Variants in CDK13 observed in about 807,000 individuals in gnomAD.
CDK13 encodes the protein cyclin dependent kinase 13, also known as cyclin-dependent kinase 13.
In CDK13, 40 loss-of-function variants were observed where a neutral mutation model predicts 137.6. The observed-to-expected ratio is 0.29, with a 90% CI of 0.23 to 0.38. The LOEUF is 0.38. Among genes scored for constraint, CDK13 ranks in the 10% least tolerant of loss-of-function variants. CDK13 has a pLI of 1.00. For missense variants in CDK13, 1,704 were observed against 1,951.8 expected (o/e 0.87, Z 2.39); for synonymous variants, 869 against 760.1 (o/e 1.14, Z -2.36).
intron 9 of CDK13, among the ~76,000 whole-genome samples, chr7:40,063,645 C>CTTTTATTTTATTTTATTA (rs1786206160): frequency 6.6e-6 from 1 of 151,882 alleles, no homozygotes; most frequent in African/African-American, 2.4e-5. Flanking sequence ...TTCTCTTTAT[C>CTTTTATTTTATTTTATTA]TTTTATTTTA....
At chr7:40,054,276 A>G (rs1785960617) in intron 7 of CDK13, among the ~76,000 whole-genome samples, 2 of 152,140 alleles carry the variant, frequency 1.3e-5, no homozygotes, top group Admixed American at 1.3e-4. Context: ...TCTACTTTTG[A>G]ATCTCCCTTT....
intron 5 of CDK13, among the ~76,000 whole-genome samples, chr7:40,003,235 TGAG>T (rs1431985675): frequency 7.6e-6 from 1 of 131,206 alleles, no homozygotes; most frequent in Non-Finnish European, 1.6e-5. Context: ...CTTACTCTGT[TGAG>T]GGACACAATT....
chr7:40,071,282 T>C (rs928962261), intron 9 of CDK13: 1 of 152,228 alleles, frequency 6.6e-6, no homozygotes, highest in Admixed American at 6.5e-5. Context: ...ATTAAAGATA[T>C]TTATGAATTC....
chr7:39,994,485 A>G (rs1174196613), intron 2 of CDK13, among the ~76,000 whole-genome samples: 1 of 152,086 alleles, frequency 6.6e-6, no homozygotes, highest in Non-Finnish European at 1.5e-5. Context: ...CTTTAGATAC[A>G]TTCTATATTG....
At chr7:39,973,795 T>C (rs1374302142) in intron 1 of CDK13, among the ~76,000 whole-genome samples, 1 of 152,236 alleles carries the variant, frequency 6.6e-6, no homozygotes, top group South Asian at 2.1e-4. Flanking sequence ...TTCATTCTTT[T>C]GTGTGTGGAT....
rs888529478 is a variant in CDK13, at chr7:40,097,884, G to A, written c.*2904G>A. 6.6e-6 allele frequency: 1 copy of A among 152,092 alleles called. No individual in the cohort carries two copies. Among genetic ancestry groups the A allele is most frequent in the African/African-American group, 2.4e-5 (1 of 41,440 alleles). The allele number at this position is 152,092 out of a possible 1,614,324, so 9.4% of individuals were successfully genotyped here. A position where few individuals can be genotyped will look rare whatever the true frequency, so the allele number is the denominator to read the frequency against. On this transcript the variant is annotated 3_prime_UTR_variant, in exon 14 of 14. Coordinates refer to ENST00000181839, the MANE Select transcript of CDK13 (RefSeq NM_003718.5). ...TGTGATTCAGAGCTTTATTCTGTCAGCAAATACATAGTCAGTGCCTACAAC... is the reference window on the plus strand; with the variant it reads ...TGTGATTCAGAGCTTTATTCTGTCAACAAATACATAGTCAGTGCCTACAAC...
intron 2 of CDK13, among the ~76,000 whole-genome samples, chr7:39,991,004 C>T (rs1406662561): frequency 2.0e-5 from 3 of 152,046 alleles, no homozygotes; most frequent in East Asian, 1.9e-4. Context: ...CGGTGTGTAA[C>T]GAATAGACCT....
At chr7:39,981,504 A>T (rs1034922134) in intron 1 of CDK13, among the ~76,000 whole-genome samples, 4 of 152,202 alleles carry the variant, frequency 2.6e-5, no homozygotes, top group Admixed American at 2.6e-4. Flanking sequence ...TCTTATTCTC[A>T]TAACTTTTTA....
chr7:40,046,620 C>CT (rs1445687506), intron 6 of CDK13, among the ~76,000 whole-genome samples: 1 of 151,978 alleles, frequency 6.6e-6, no homozygotes, highest in Non-Finnish European at 1.5e-5. Flanking sequence ...GTACTCCAGC[C>CT]TAGGTGACAC....
At chr7:39,989,567 G>T (rs749252285) in intron 2 of CDK13, among the ~76,000 whole-genome samples, 1 of 151,950 alleles carries the variant, frequency 6.6e-6, no homozygotes, top group East Asian at 1.9e-4. Flanking sequence ...TCAAAATGTT[G>T]TTGGGAGACC....
chr7:40,099,510 G>A lies in CDK13; in HGVS notation c.*4530G>A, dbSNP rs1057142677. The A allele has an allele frequency of 3.9e-5, 6 of 152,124 alleles. No homozygotes were observed. Among genetic ancestry groups the A allele is most frequent in the Non-Finnish European group, 8.8e-5 (6 of 67,988 alleles). The allele number at this position is 152,124 out of a possible 1,614,324, so 9.4% of individuals were successfully genotyped here. On this transcript the variant is annotated 3_prime_UTR_variant, in exon 14 of 14. Transcript: ENST00000181839. ...GTTAACATCTAATGTATTAATATAAGCCATTTGTTTTTTACCATTTTTTTA... is the reference window on the plus strand; with the variant it reads ...GTTAACATCTAATGTATTAATATAAACCATTTGTTTTTTACCATTTTTTTA...
In CDK13 at chr7:40,006,865, C is replaced by T. The variant is rs138317581; in HGVS notation, c.2353+4834C>T. Among the ~76,000 whole-genome samples, 105 of 152,242 alleles carry T rather than the reference C, an allele frequency of 6.9e-4. 1 individual carries two copies. Among genetic ancestry groups the T allele is most frequent in the African/African-American group, 2.5e-3 (102 of 41,530 alleles). ...TCTTTATTTCAAGATGTAAATATTTCAGTATTCAGATTAAAAAAATTCCTA... is the reference window on the plus strand; with the variant it reads ...TCTTTATTTCAAGATGTAAATATTTTAGTATTCAGATTAAAAAAATTCCTA... On this transcript the variant is annotated intron_variant, in intron 5 of 13. Transcript: ENST00000181839.
At chr7:39,987,491 T>A in intron 1 of CDK13, 108 bp from the exon 2 acceptor site, 1 of 935,814 alleles carries the variant, frequency 1.1e-6, no homozygotes. Flanking sequence ...AACTTTGAAA[T>A]TAAGTAAATT....
At chr7:39,973,197 C>T (rs1784036678) in intron 1 of CDK13, among the ~76,000 whole-genome samples, 1 of 152,134 alleles carries the variant, frequency 6.6e-6, no homozygotes, top group Non-Finnish European at 1.5e-5. Flanking sequence ...AGTGCAGTGG[C>T]ACAATTTTGG....
In CDK13 at chr7:40,024,645, G is replaced by GTTTTTTTTTTT. The variant is rs58010602; in HGVS notation, c.2354-21168_2354-21158dup. Among the ~76,000 whole-genome samples, 5 of 50,282 alleles carry GTTTTTTTTTTT rather than the reference G, an allele frequency of 9.9e-5. 1 individual carries two copies. Among genetic ancestry groups the GTTTTTTTTTTT allele is most frequent in the African/African-American group, 3.3e-4 (4 of 11,968 alleles). The allele number at this position is 50,282 out of a possible 152,430, so 33.0% of individuals were successfully genotyped here. On this transcript the variant is annotated intron_variant, in intron 5 of 13. Transcript: ENST00000181839. ...TCTTCCAAGATATCTGTAGCTCTGTGTTTTTTTTTTTTTTTTTTTTTTTTT... is the reference window on the plus strand; with the variant it reads ...TCTTCCAAGATATCTGTAGCTCTGTGTTTTTTTTTTTTTTTTTTTTTTTTTTTTTTTTTTTT...
intron 12 of CDK13, among the ~76,000 whole-genome samples, chr7:40,088,733 A>G (rs190592372): frequency 5.9e-5 from 9 of 152,280 alleles, no homozygotes; most frequent in Admixed American, 5.2e-4. Flanking sequence ...TACCATTTAT[A>G]GCGTCCTCAT....
intron 1 of CDK13, among the ~76,000 whole-genome samples, chr7:39,979,603 A>AGAGG (rs1468611956): frequency 6.6e-6 from 1 of 152,146 alleles, no homozygotes. Context: ...CGAGAATGGA[A>AGAGG]GAGGAGGATG....
intron 1 of CDK13, chr7:39,986,710 G>A (rs1274828741): frequency 6.6e-6 from 1 of 152,172 alleles, no homozygotes; most frequent in African/African-American, 2.4e-5. Context: ...GATTAAGAGT[G>A]ATTGGATAGT....
intron 5 of CDK13, among the ~76,000 whole-genome samples, chr7:40,028,311 C>A (rs1048133019): frequency 1.3e-5 from 2 of 151,624 alleles, no homozygotes; most frequent in African/African-American, 4.9e-5. Context: ...CTCCGCCTCC[C>A]AGGTTCACGT....
Sources: allele counts gnomAD v4.1 joint callset (sites outside exome capture counted in the v4.1 genomes callset), GRCh38; gene constraint gnomAD v4.1.1; transcripts MANE v1.5; gene names NCBI Gene and HGNC (gene_info 2026-07-23, HGNC 2026-07-21).